PLPP1: variants seen among roughly 807,000 people sequenced by gnomAD.
PLPP1 encodes the protein phospholipid phosphatase 1, also known as lipid phosphate phosphohydrolase 1a.
A neutral mutation model predicts 31.2 loss-of-function variants in PLPP1; 24 were observed. The observed-to-expected ratio is 0.77, with a 90% CI of 0.56 to 1.08. The LOEUF (loss-of-function observed/expected upper bound fraction) is 1.08. Among genes scored for constraint, PLPP1 ranks in the 50% least tolerant of loss-of-function variants. PLPP1 has a pLI of 0.00. For synonymous variants in PLPP1, 146 were observed against 126.3 expected (o/e 1.16, Z -1.05); for missense variants, 319 against 342.7 (o/e 0.93, Z 0.55).
intron 4 of PLPP1, among the ~76,000 whole-genome samples, chr5:55,431,428 C>G (rs1751344815): frequency 6.6e-6 from 1 of 152,178 alleles, no homozygotes; most frequent in Admixed American, 6.5e-5. Flanking sequence ...ACCAGCCAAA[C>G]TATTCTCAGA....
At chr5:55,435,872 T>G (rs1751480042) in intron 4 of PLPP1, among the ~76,000 whole-genome samples, 1 of 151,924 alleles carries the variant, frequency 6.6e-6, no homozygotes, top group Admixed American at 6.6e-5. Flanking sequence ...CCTGTCTCTT[T>G]GTACTACAGT....
chr5:55,493,332 G>A (rs1042457119), intron 1 of PLPP1, among the ~76,000 whole-genome samples: 17 of 150,644 alleles, frequency 1.1e-4, no homozygotes, highest in Non-Finnish European at 1.6e-4. Context: ...AAAAAAAGAA[G>A]AAGAAAAAAC....
At chr5:55,511,607 C>T (rs970245353) in intron 1 of PLPP1, among the ~76,000 whole-genome samples, 7 of 98,290 alleles carry the variant, frequency 7.1e-5, no homozygotes, top group Admixed American at 2.0e-4. Flanking sequence ...TATTTATTTT[C>T]TTTTCTGGGC....
chr5:55,519,707 G>A (rs967623230), intron 1 of PLPP1, among the ~76,000 whole-genome samples: 20 of 149,968 alleles, frequency 1.3e-4, no homozygotes, highest in Non-Finnish European at 2.8e-4. Context: ...CCAAGATCGC[G>A]CCATTGCACT....
At chr5:55,505,176 C>CT (rs1162213651) in intron 1 of PLPP1, among the ~76,000 whole-genome samples, 5 of 152,142 alleles carry the variant, frequency 3.3e-5, no homozygotes, top group African/African-American at 9.7e-5. Context: ...ATTTTACCCT[C>CT]TTCTTATCAT....
intron 1 of PLPP1, among the ~76,000 whole-genome samples, chr5:55,478,818 G>C (rs987913779): frequency 6.6e-6 from 1 of 152,112 alleles, no homozygotes; most frequent in Non-Finnish European, 1.5e-5. Flanking sequence ...CTTAGTAAAA[G>C]AGGTTTTAAT....
At chr5:55,427,765 A>C (rs1751242931) in intron 4 of PLPP1, among the ~76,000 whole-genome samples, 1 of 134,156 alleles carries the variant, frequency 7.5e-6, no homozygotes, top group Non-Finnish European at 1.6e-5. Context: ...ACTAAGCTCC[A>C]ACACTTTTTT....
rs1390258086 is a variant in PLPP1, at chr5:55,467,923, C to G, written c.437G>C (p.Gly146Ala). 1 of 1,614,146 alleles carries G rather than the reference C, an allele frequency of 6.2e-7. No homozygotes were observed. The highest frequency in any genetic ancestry group is 1.1e-5 in the South Asian group (1 of 91,078). ...PDWSKINCSD[G>A]YIEYYICRGN... is the part of the protein sequence containing the mutation. The stretch of plus-strand genomic sequence containing the variant: ...TCGACATATGTAGTATTCAATGTAA[C>G]CATCGCTGCAGTTGATTTTTGACCA... The change falls in exon 3 of 6, where the codon GGT becomes GCT. Residue 146 changes from glycine (G) to alanine (A), a missense_variant. By Grantham distance (60) the Gly-to-Ala change is moderately conservative. Transcript: ENST00000307259.
intron 3 of PLPP1, among the ~76,000 whole-genome samples, chr5:55,452,083 C>A (rs557801316): frequency 6.6e-6 from 1 of 152,264 alleles, no homozygotes; most frequent in South Asian, 2.1e-4. Context: ...AGTAAACACA[C>A]TCTTCCTAAG....
chr5:55,450,380 G>A (rs1224887471), intron 3 of PLPP1, among the ~76,000 whole-genome samples: 1 of 152,122 alleles, frequency 6.6e-6, no homozygotes, highest in African/African-American at 2.4e-5. Context: ...AGGGTATTTA[G>A]AACTTGTTAT....
intron 1 of PLPP1, among the ~76,000 whole-genome samples, chr5:55,532,044 C>G (rs990043720): frequency 6.6e-6 from 1 of 152,170 alleles, no homozygotes; most frequent in African/African-American, 2.4e-5. Context: ...TCCAAAACCA[C>G]CAAAAACACA....
intron 1 of PLPP1, among the ~76,000 whole-genome samples, chr5:55,534,260 G>A (rs746524282): frequency 3.3e-4 from 50 of 152,290 alleles, no homozygotes; most frequent in South Asian, 1.5e-3. Flanking sequence ...ACAGAGGGGA[G>A]GAGCCCACCC....
At chr5:55,512,725 C>CACACACACATAT (rs71600886) in intron 1 of PLPP1, among the ~76,000 whole-genome samples, 1 of 150,712 alleles carries the variant, frequency 6.6e-6, no homozygotes, top group Admixed American at 6.6e-5. Flanking sequence ...TTATAAACTA[C>CACACACACATAT]ACACACACAC....
intron 4 of PLPP1, among the ~76,000 whole-genome samples, chr5:55,426,900 A>G (rs534948792): frequency 2.6e-4 from 40 of 152,298 alleles, no homozygotes; most frequent in African/African-American, 9.6e-4. Flanking sequence ...TAGTTTAGTT[A>G]TGATCCAGCC....
chr5:55,470,199 G>A (rs979895515), intron 2 of PLPP1, among the ~76,000 whole-genome samples: 1 of 152,134 alleles, frequency 6.6e-6, no homozygotes, highest in Admixed American at 6.6e-5. Flanking sequence ...CCATTAAGGG[G>A]TCCCAGTAAT....
intron 1 of PLPP1, among the ~76,000 whole-genome samples, chr5:55,497,852 C>CA (rs1753035939): frequency 6.6e-6 from 1 of 152,154 alleles, no homozygotes; most frequent in Non-Finnish European, 1.5e-5. Flanking sequence ...GGAGAGCCAA[C>CA]ATGACATGAT....
At chr5:55,533,439 T>C (rs914018277) in intron 1 of PLPP1, among the ~76,000 whole-genome samples, 21 of 150,208 alleles carry the variant, frequency 1.4e-4, no homozygotes, top group African/African-American at 5.1e-4. Flanking sequence ...CAACAAAACC[T>C]GGTAACAGAA....
intron 3 of PLPP1, among the ~76,000 whole-genome samples, chr5:55,443,192 A>AATATATATATATATATATAT (rs1159178740): frequency 3.5e-4 from 9 of 25,436 alleles, no homozygotes; most frequent in Admixed American, 1.6e-3. Flanking sequence ...AAAAAAAAAA[A>AATATATATATATATATATAT]ATATATATAT....
chr5:55,530,186 A>G lies in PLPP1; in HGVS notation c.58+4386T>C, dbSNP rs1251691363. ...TGTTTACTTGAAATGATTCTTCAAC[A>G]GCAGTTTGACATTGAGTTTCTTCAT... On this transcript the variant is annotated intron_variant, in intron 1 of 5. Coordinates refer to ENST00000307259, the MANE Select transcript of PLPP1 (RefSeq NM_003711.4). 6.8e-6 allele frequency: 9 copies of G among 1,321,786 alleles called. 1 individual carries two copies. The highest frequency in any genetic ancestry group is 1.2e-5 in the South Asian group (1 of 84,962). The allele number at this position is 1,321,786 out of a possible 1,614,324, so 81.9% of individuals were successfully genotyped here. A position where few individuals can be genotyped will look rare whatever the true frequency, so the allele number is the denominator to read the frequency against.
Sources: gnomAD v4.1 joint callset for allele counts (sites outside exome capture counted in the v4.1 genomes callset) on GRCh38, gnomAD v4.1.1 for gene constraint, MANE v1.5 for transcripts, NCBI Gene and HGNC (gene_info 2026-07-23, HGNC 2026-07-21) for gene names.